The following ATP2C1 variants were observed in gnomAD, a reference collection of about 807,000 sequenced individuals.
ATP2C1 encodes the protein ATPase secretory pathway Ca2+ transporting 1.
A neutral mutation model predicts 120.5 loss-of-function variants in ATP2C1; 31 were observed. The ratio of observed to expected loss-of-function variants is 0.26; its 90% CI spans 0.19 to 0.35. The LOEUF is 0.35. ATP2C1 is among the 10% of genes least tolerant of loss of function. The pLI, the probability that ATP2C1 is intolerant of heterozygous loss-of-function variation, is 1.00. For synonymous variants in ATP2C1, 351 were observed against 358.7 expected, an observed-to-expected ratio of 0.98 and a Z score of 0.24; for missense variants, 731 against 1,107.5, an observed-to-expected ratio of 0.66 and a Z score of 4.83.
At chr3:131,013,419 G>T (rs1437888039) in intron 26 of ATP2C1, among the ~76,000 whole-genome samples, 1 of 152,188 alleles carries the variant, frequency 6.6e-6, no homozygotes, top group African/African-American at 2.4e-5. Context: ...GTCTGGTATT[G>T]CTGCATATAT....
At chr3:130,860,749 C>T (rs1559866033) in intron 1 of ATP2C1, among the ~76,000 whole-genome samples, 1 of 152,194 alleles carries the variant, frequency 6.6e-6, no homozygotes, top group Non-Finnish European at 1.5e-5. Context: ...TTCTTCCCTT[C>T]ACTCCTTCCT....
intron 1 of ATP2C1, among the ~76,000 whole-genome samples, chr3:130,887,503 C>T (rs572483530): frequency 1.3e-5 from 2 of 152,260 alleles, no homozygotes; most frequent in South Asian, 2.1e-4. Flanking sequence ...GTCTACCTGA[C>T]GTTTTATTCT....
At chr3:130,996,215 GCATTGTT>G in intron 23 of ATP2C1, 104 bp downstream of exon 23, 1 of 884,678 alleles carries the variant, frequency 1.1e-6, no homozygotes, top group Non-Finnish European at 1.9e-6. Context: ...ATATTTGTGA[GCATTGTT>G]CATATGTCAG....
intron 6 of ATP2C1, 109 bp downstream of exon 6, chr3:130,937,572 C>A: frequency 1.1e-6 from 1 of 880,408 alleles, no homozygotes; most frequent in Non-Finnish European, 1.9e-6. Flanking sequence ...CCCATCAGAA[C>A]AACTTATTCT....
intron 2 of ATP2C1, among the ~76,000 whole-genome samples, chr3:130,921,690 C>A (rs886229147): frequency 3.9e-5 from 6 of 152,054 alleles, no homozygotes; most frequent in Admixed American, 6.5e-5. Flanking sequence ...GCTTTTTCTG[C>A]ATCTATTGAG....
At chr3:130,996,158 T>A in intron 23 of ATP2C1, 47 bp downstream of exon 23, 1 of 1,322,514 alleles carries the variant, frequency 7.6e-7, no homozygotes, top group Non-Finnish European at 1.1e-6. Flanking sequence ...GGATAAATTA[T>A]ATGAAAAGTA....
At chr3:130,971,048 A>G (rs1308171004) in intron 17 of ATP2C1, among the ~76,000 whole-genome samples, 1 of 152,238 alleles carries the variant, frequency 6.6e-6, no homozygotes, top group Admixed American at 6.5e-5. Flanking sequence ...GTTTTAATGT[A>G]AAGCTTTCAG....
Position 131,013,386 on chromosome 3 carries a change from C to A in ATP2C1, c.2630-2766C>A, listed in dbSNP as rs114992622. 4.7e-3 allele frequency among the ~76,000 whole-genome samples: 721 copies of A among 152,276 alleles called. 5 individuals are homozygous for A. Among genetic ancestry groups the A allele is most frequent in the African/African-American group, 0.016 (657 of 41,550 alleles). ...TCACATCTCATTAATGGGTCAAAAT[C>A]TGTAGTATAAAGAGGGCATAGGGTC... On this transcript the variant is annotated intron_variant, in intron 26 of 26. Coordinates refer to the ATP2C1 transcript ENST00000328560.
chr3:130,973,711 A>G (rs903159018), intron 17 of ATP2C1, among the ~76,000 whole-genome samples: 2 of 152,184 alleles, frequency 1.3e-5, no homozygotes, highest in African/African-American at 2.4e-5. Context: ...TAAGTAACAG[A>G]AACTGCAGGA....
At chr3:130,932,274 A>G (rs1432023724) in intron 4 of ATP2C1, 136 bp downstream of exon 4, 4 of 658,828 alleles carry the variant, frequency 6.1e-6, no homozygotes, top group Non-Finnish European at 1.1e-5. Flanking sequence ...AAAATTTTTC[A>G]TTTGTTGGGG....
intron 2 of ATP2C1, among the ~76,000 whole-genome samples, chr3:130,908,993 TGAA>T (rs956488190): frequency 6.6e-6 from 1 of 152,168 alleles, no homozygotes; most frequent in Non-Finnish European, 1.5e-5. Flanking sequence ...ATTTATCAAA[TGAA>T]GAATATTTAA....
intron 2 of ATP2C1, among the ~76,000 whole-genome samples, chr3:130,909,995 G>A (rs1417838145): frequency 6.6e-6 from 1 of 152,006 alleles, no homozygotes; most frequent in Non-Finnish European, 1.5e-5. Context: ...CATGAGCCAC[G>A]GCACCCAGCT....
intron 12 of ATP2C1, among the ~76,000 whole-genome samples, chr3:130,961,118 A>G (rs957558559): frequency 7.9e-5 from 12 of 152,002 alleles, no homozygotes; most frequent in Admixed American, 7.9e-4. Context: ...GCAATTTGAA[A>G]CTCTTGGTTT....
intron 12 of ATP2C1, among the ~76,000 whole-genome samples, chr3:130,962,592 T>G (rs956610555): frequency 5.3e-5 from 8 of 151,554 alleles, no homozygotes; most frequent in Non-Finnish European, 1.2e-4. Context: ...AGAGTGAAGT[T>G]TTTTTACAAT....
chr3:130,857,910 C>T (rs928940954), intron 1 of ATP2C1, among the ~76,000 whole-genome samples: 1 of 152,100 alleles, frequency 6.6e-6, no homozygotes, highest in Admixed American at 6.6e-5. Context: ...AGTCTCAAAA[C>T]CTCAAAAGTA....
chr3:131,010,425 A>C (rs1283036739), intron 26 of ATP2C1, among the ~76,000 whole-genome samples: 2 of 151,746 alleles, frequency 1.3e-5, no homozygotes, highest in Non-Finnish European at 2.9e-5. Flanking sequence ...CGATCTCCTG[A>C]CCTCGTGATC....
intron 6 of ATP2C1, 53 bp downstream of exon 6, chr3:130,937,516 C>G: frequency 6.7e-7 from 1 of 1,483,312 alleles, no homozygotes; most frequent in Non-Finnish European, 9.4e-7. Flanking sequence ...GCTTAAAAAT[C>G]AAGGTGTCTT....
Position 130,941,222 on chromosome 3 carries a change from C to CTG in ATP2C1, c.423-369_423-368insTG, listed in dbSNP as rs1448986686. ...AGCCACCGCGCCCGGCTGTATTTAA[C>CTG]AGTGTGTGTGTGTGTGTGTGTGTGT... On this transcript the variant is annotated intron_variant, in intron 7 of 27. Coordinates refer to ENST00000510168, the MANE Select transcript of ATP2C1 (RefSeq NM_001378687.1). Among the ~76,000 whole-genome samples, 571 of 105,188 alleles carry CTG rather than the reference C, an allele frequency of 5.4e-3. 9 individuals are homozygous for CTG. The highest frequency in any genetic ancestry group is 0.018 in the African/African-American group (527 of 29,210). The allele number at this position is 105,188 out of a possible 152,430, so 69.0% of individuals were successfully genotyped here. A position where few individuals can be genotyped will look rare whatever the true frequency, so the allele number is the denominator to read the frequency against.
Position 131,002,974 on chromosome 3 carries a change from C to T in ATP2C1, c.*1624C>T. 1 of 985,598 alleles carries T rather than the reference C, an allele frequency of 1.0e-6. No individual in the cohort carries two copies. Among genetic ancestry groups the T allele is most frequent in the Non-Finnish European group, 1.2e-6 (1 of 829,716 alleles). The allele number at this position is 985,598 out of a possible 1,614,324, so 61.1% of individuals were successfully genotyped here. ...CTCTATCATTAGTGACTTGATGTCTCATACCTTAATTTTGTAATGATTTTT... is the reference window on the plus strand; with the variant it reads ...CTCTATCATTAGTGACTTGATGTCTTATACCTTAATTTTGTAATGATTTTT... On this transcript the variant is annotated 3_prime_UTR_variant, in exon 28 of 28. Transcript: ENST00000510168.
Sources: allele counts gnomAD v4.1 joint callset (sites outside exome capture counted in the v4.1 genomes callset), GRCh38; gene constraint gnomAD v4.1.1; transcripts MANE v1.5; gene names NCBI Gene and HGNC (gene_info 2026-07-23, HGNC 2026-07-21).